Variants in LMTK3 observed in about 807,000 individuals in gnomAD.
The protein encoded by LMTK3 is lemur tail kinase 3.
A neutral mutation model predicts 116.7 loss-of-function variants in LMTK3; 27 were observed. The observed-to-expected ratio is 0.23, with a 90% CI of 0.17 to 0.32. The LOEUF is 0.32. LMTK3 is among the 10% of genes least tolerant of loss of function. The pLI, the probability that LMTK3 is intolerant of heterozygous loss-of-function variation, is 1.00. For missense variants in LMTK3, 1,764 were observed against 2,068.5 expected, an observed-to-expected ratio of 0.85 and a Z score of 2.86; for synonymous variants, 965 against 971.0, an observed-to-expected ratio of 0.99 and a Z score of 0.11.
chr19:48,488,817 G>A (rs913547579), intron 14 of LMTK3, among the ~76,000 whole-genome samples: 1 of 147,418 alleles, frequency 6.8e-6, no homozygotes, highest in Admixed American at 6.9e-5. Flanking sequence ...TCGGCTCACC[G>A]CAACCTCCAC....
At position 48,506,934 on chromosome 19, in the gene LMTK3, G is replaced by A. The variant is rs560495366; in HGVS notation, c.557+1917C>T. Among the ~76,000 whole-genome samples the A allele has an allele frequency of 2.0e-5, 3 of 152,282 alleles. No individual in the cohort carries two copies. In the East Asian group the frequency reaches 5.8e-4, roughly 29 times the overall value. On this transcript the variant is annotated intron_variant, in intron 5 of 14. Transcript: ENST00000600059. ...CCACCTCAGTCTCCCAAAGTGCTGG[G>A]ATTACTGGTGTGAGCCACCGTGCCT...
intron 1 of LMTK3, 43 bp downstream of exon 1, chr19:48,511,458 G>C (rs755259095): frequency 1.1e-6 from 1 of 885,950 alleles, no homozygotes; most frequent in Non-Finnish European, 1.6e-6. Flanking sequence ...GGCCGCCGCG[G>C]GGGTGGGGGC....
In LMTK3 at chr19:48,499,307, G is replaced by A. The variant is rs749084874; in HGVS notation, c.1762C>T (p.Leu588Phe). The change falls in exon 11 of 15, where the codon CTC becomes TTC. Residue 588 changes from leucine (L) to phenylalanine (F), a missense_variant. Physicochemically the swap from Leu to Phe is conservative, Grantham distance 22. Transcript: ENST00000600059. Reference protein sequence around the residue: ...QLVSETWASPLFPAPRPFPAQ... With the variant: ...QLVSETWASPFFPAPRPFPAQ... ...GGGAAGGGCCGGGGCGCAGGGAAGA[G>A]GGGGGAGGCCCAGGTCTCGGACACC... 1.1e-5 allele frequency: 15 copies of A among 1,414,500 alleles called. No homozygotes were observed. Among genetic ancestry groups the A allele is most frequent in the African/African-American group, 1.5e-5 (1 of 67,576 alleles). The allele number at this position is 1,414,500 out of a possible 1,614,324, so 87.6% of individuals were successfully genotyped here. A position where few individuals can be genotyped will look rare whatever the true frequency, so the allele number is the denominator to read the frequency against.
intron 11 of LMTK3, among the ~76,000 whole-genome samples, chr19:48,496,504 G>T (rs1972328492): frequency 6.6e-6 from 1 of 152,150 alleles, no homozygotes; most frequent in Non-Finnish European, 1.5e-5. Context: ...TTGCCATGTT[G>T]TCCAGGCTGG....
In LMTK3 at chr19:48,500,834, A is replaced by C. The variant is rs901470329; in HGVS notation, c.1151+162T>G. 2.0e-5 allele frequency among the ~76,000 whole-genome samples: 3 copies of C among 152,202 alleles called. No homozygotes were observed. The highest frequency in any genetic ancestry group is 7.2e-5 in the African/African-American group (3 of 41,458). On this transcript the variant is annotated intron_variant, in intron 10 of 14. Transcript: ENST00000600059. This position sits in a 1 kb window ranked among gnomAD's most constrained non-coding sequence, Gnocchi z 4.0. ...CCATCCCCTGCCTGTGTCCCCCTGC[A>C]AGTAGCAGATGCTGGCAGAAAGGGT...
At chr19:48,488,130 G>T (rs983918670) in intron 14 of LMTK3, among the ~76,000 whole-genome samples, 3 of 152,070 alleles carry the variant, frequency 2.0e-5, no homozygotes, top group Non-Finnish European at 4.4e-5. Context: ...AGCCATTCTC[G>T]CTTGCCAGCC....
In LMTK3 at chr19:48,493,739, C is replaced by T. The variant is rs1972271177; in HGVS notation, c.4047G>A (p.Lys1349=). 2 of 1,573,366 alleles carry T rather than the reference C, an allele frequency of 1.3e-6. No homozygotes were observed. The highest frequency in any genetic ancestry group is 1.7e-6 in the Non-Finnish European group (2 of 1,161,250). The change falls in exon 12 of 15, where the codon AAG becomes AAA. Residue 1349 remains lysine (K), a synonymous_variant. Transcript: ENST00000600059. ...PEDSELERKR[K]MVSFHGDVTV... The stretch of plus-strand genomic sequence containing the variant: ...TCACGTCCCCGTGGAAGGAGACCAT[C>T]TTGCGCTTCCTCTCCAGCTCGCTGT...
chr19:48,491,500 C>CGG lies in LMTK3; in HGVS notation c.4130_4131dup (p.Glu1378ProfsTer107). The CGG allele has an allele frequency of 7.2e-7, 1 of 1,396,648 alleles. No homozygotes were observed. The highest frequency in any genetic ancestry group is 9.3e-7 in the Non-Finnish European group (1 of 1,070,384). The allele number at this position is 1,396,648 out of a possible 1,614,324, so 86.5% of individuals were successfully genotyped here. A position where few individuals can be genotyped will look rare whatever the true frequency, so the allele number is the denominator to read the frequency against. On this transcript the variant is annotated frameshift_variant, in exon 13 of 15. Coordinates refer to ENST00000600059, the MANE Select transcript of LMTK3 (RefSeq NM_001388485.1). LOFTEE classifies it high-confidence loss of function. This position sits in a 1 kb window ranked among gnomAD's most constrained non-coding sequence, Gnocchi z 5.1. ...GGCGTTGACGGGTCCGTGTCCCCCT[C>CGG]GGGGGGGGCCTGGACGCTCAGCTCG... is the stretch of plus-strand genomic sequence containing the variant.
At position 48,499,591 on chromosome 19, in the gene LMTK3, C is replaced by T. The variant is rs2147546738; in HGVS notation, c.1478G>A (p.Gly493Glu). 4 of 1,536,004 alleles carry T rather than the reference C, an allele frequency of 2.6e-6. No individual in the cohort carries two copies. The highest frequency in any genetic ancestry group is 2.1e-5 in the Admixed American group (1 of 48,044). The change falls in exon 11 of 15, where the codon GGG (glycine) becomes GAG (glutamate). Residue 493 changes from glycine (G) to glutamate (E), a missense_variant. Gly to Glu is a moderately conservative substitution (Grantham distance 98). Transcript: ENST00000600059. The part of the protein sequence containing the change: ...KARRGAGRGG[G>E]APAWQPASAP... ...CGACGCCGGCTGCCAGGCAGGTGCC[C>T]CCCCACCCCGGCCGGCCCCACGCCG...
rs1323926484 is a variant in LMTK3 at position 48,497,762 on chromosome 19, C to G, written c.3307G>C (p.Gly1103Arg). The change falls in exon 11 of 15, where the codon GGG becomes CGG. Residue 1103 changes from glycine to arginine, a missense_variant. Around this residue, in one of 7 missense-constraint regions of LMTK3, gnomAD observed 1,028 missense variants for 1,050.6 expected, o/e 0.98. Coordinates refer to ENST00000600059, the MANE Select transcript of LMTK3 (RefSeq NM_001388485.1). The surrounding 1 kb of genome is among the most constrained non-coding windows in gnomAD (Gnocchi z 5.7). ...PETGGAPRAPGAGRLDLGSGG... is the reference protein window; with the variant it reads ...PETGGAPRAPRAGRLDLGSGG... ...CTCCCGAGGTCCAGCCTCCCAGCCC[C>G]TGGGGCTCTCGGCGCCCCCCCAGTC... 1.5e-6 allele frequency: 2 copies of G among 1,375,256 alleles called. No homozygotes were observed. Among genetic ancestry groups the G allele is most frequent in the African/African-American group, 3.0e-5 (2 of 66,052 alleles). 85.2% of individuals were successfully genotyped at this position (1,375,256 alleles called of 1,614,324 possible).
chr19:48,499,140 CTCCTCT>C lies in LMTK3; in HGVS notation c.1923_1928del (p.Glu645_Glu646del). On this transcript the variant is annotated inframe_deletion, in exon 11 of 15. Coordinates refer to ENST00000600059, the MANE Select transcript of LMTK3 (RefSeq NM_001388485.1). ...CCCCTGGGGAGCTGCCCTCCTCCTC[CTCCTCT>C]TCTTCTTCCACCCACGGGGCGGTCC... 1 of 1,547,282 alleles carries C rather than the reference CTCCTCT, an allele frequency of 6.5e-7. No homozygotes were observed. The highest frequency in any genetic ancestry group is 8.7e-7 in the Non-Finnish European group (1 of 1,151,146).
chr19:48,489,175 C>T lies in LMTK3; in HGVS notation c.4366+1933G>A, dbSNP rs1377621906. Among the ~76,000 whole-genome samples, 7 of 152,214 alleles carry T rather than the reference C, an allele frequency of 4.6e-5. No individual in the cohort carries two copies. In the South Asian group the frequency reaches 1.0e-3, roughly 23 times the overall value. ...TGCGGGGAGGGCCAGGCAGGCTCAC[C>T]CGTCTTGCTCCACATTGAATCCCCT... On this transcript the variant is annotated intron_variant, in intron 14 of 14. Transcript: ENST00000600059.
Position 48,499,502 on chromosome 19 carries a change from C to T in LMTK3, c.1567G>A (p.Val523Met), listed in dbSNP as rs1232638210. The T allele has an allele frequency of 7.0e-7, 1 of 1,435,754 alleles. No homozygotes were observed. The highest frequency in any genetic ancestry group is 1.4e-5 in the South Asian group (1 of 72,548). The allele number at this position is 1,435,754 out of a possible 1,614,324, so 88.9% of individuals were successfully genotyped here. ...CTGCGGGCGCTGATGACAGGCAGCA[C>T]GCTGGGCGTGGACAGCGCCTCGTAG... ...PFYEALSTPS[V>M]LPVISARSPS... is the part of the protein sequence containing the mutation. Residue 523 changes from valine to methionine, a missense_variant, in exon 11 of 15, where the codon GTG becomes ATG. By Grantham distance (21) the Val-to-Met change is conservative. Transcript: ENST00000600059.
At chr19:48,492,749 TCCTC>T (rs1163103971) in intron 12 of LMTK3, among the ~76,000 whole-genome samples, 2 of 151,582 alleles carry the variant, frequency 1.3e-5, no homozygotes, top group South Asian at 2.1e-4. Flanking sequence ...TCTCAACACT[TCCTC>T]CCTAGCCTCT....
At chr19:48,510,977 T>C (rs1221866407) in intron 1 of LMTK3, among the ~76,000 whole-genome samples, 1 of 152,192 alleles carries the variant, frequency 6.6e-6, no homozygotes, top group Non-Finnish European at 1.5e-5. Flanking sequence ...GGAGGAGGAC[T>C]AGCTCTCAGC....
At chr19:48,503,559 G>T (rs546596660) in intron 5 of LMTK3, among the ~76,000 whole-genome samples, 8 of 151,444 alleles carry the variant, frequency 5.3e-5, no homozygotes, top group Non-Finnish European at 1.0e-4. Context: ...TCTCCTCCTC[G>T]TCCCCACAGC....
intron 5 of LMTK3, among the ~76,000 whole-genome samples, chr19:48,506,660 C>T (rs978566739): frequency 2.0e-5 from 3 of 152,104 alleles, no homozygotes; most frequent in East Asian, 1.9e-4. Flanking sequence ...GTGGAAGAAT[C>T]GTGTAACAAA....
At position 48,500,160 on chromosome 19, in the gene LMTK3, C is replaced by T. The variant is rs1285015226; in HGVS notation, c.1152-243G>A. On this transcript the variant is annotated intron_variant, in intron 10 of 14. Transcript: ENST00000600059. The surrounding 1 kb of genome is among the most constrained non-coding windows in gnomAD (Gnocchi z 4.0). ...ACAGAGATCCAGGCGTGGTGGCTCA[C>T]GCCTGTAATCCCAGCACTTTGGGAG... Among the ~76,000 whole-genome samples the T allele has an allele frequency of 1.3e-5, 2 of 150,508 alleles. No homozygotes were observed. The highest frequency in any genetic ancestry group is 2.0e-4 in the East Asian group (1 of 4,994).
chr19:48,490,918 C>T (rs911574369), intron 14 of LMTK3, among the ~76,000 whole-genome samples, 190 bp downstream of exon 14: 2 of 152,162 alleles, frequency 1.3e-5, no homozygotes, highest in Non-Finnish European at 2.9e-5. Context: ...CTGCCTACGA[C>T]CGTCTGATGG....
Sources: gnomAD v4.1 joint callset for allele counts (sites outside exome capture counted in the v4.1 genomes callset) on GRCh38, gnomAD v4.1.1 for gene constraint, gnomAD v4.1.1 regional missense constraint, Gnocchi (gnomAD v3.1) non-coding constraint, MANE v1.5 for transcripts, NCBI Gene and HGNC (gene_info 2026-07-23, HGNC 2026-07-21) for gene names.